The following EEPD1 variants were observed in gnomAD, a reference collection of about 807,000 sequenced individuals.
The protein encoded by EEPD1 is endonuclease/exonuclease/phosphatase family domain containing 1, also known as endonuclease/exonuclease/phosphatase family domain-containing protein 1.
EEPD1 carries 17 observed loss-of-function variants against 46.3 expected under a neutral mutation model. The observed-to-expected ratio is 0.37, with a 90% CI of 0.25 to 0.55. EEPD1 has a LOEUF of 0.55. EEPD1 is among the 20% of genes least tolerant of loss of function. The probability of loss-of-function intolerance (pLI) is 0.83; values close to 1 mark genes in which losing one functional copy is unlikely to be tolerated. For missense variants in EEPD1, 673 were observed against 745.6 expected (o/e 0.90, Z 1.13); for synonymous variants, 313 against 315.6 (o/e 0.99, Z 0.09).
intron 3 of EEPD1, among the ~76,000 whole-genome samples, chr7:36,272,344 A>G (rs1387451992): frequency 6.6e-6 from 1 of 152,148 alleles, no homozygotes; most frequent in East Asian, 1.9e-4. Flanking sequence ...CGCTGATGAC[A>G]ATGGCCACAG....
At chr7:36,207,716 A>G (rs1562686917) in intron 2 of EEPD1, among the ~76,000 whole-genome samples, 1 of 152,112 alleles carries the variant, frequency 6.6e-6, no homozygotes, top group African/African-American at 2.4e-5. Context: ...AATATTTTGA[A>G]TACAATTCTG....
chr7:36,201,172 AAG>A (rs1204273217), intron 2 of EEPD1, among the ~76,000 whole-genome samples: 1 of 152,190 alleles, frequency 6.6e-6, no homozygotes, highest in East Asian at 1.9e-4. Context: ...GAAGTTATGG[AAG>A]ACAGACTGAG....
At position 36,297,368 on chromosome 7, in the gene EEPD1, G is replaced by T. The variant is rs146550435; in HGVS notation, c.1510+181G>T. Among the ~76,000 whole-genome samples the T allele has an allele frequency of 3.1e-3, 477 of 152,242 alleles. 2 individuals are homozygous for T. The highest frequency in any genetic ancestry group is 0.011 in the African/African-American group (456 of 41,542). ...GAATCCAGGCCCCTGTCAGTCCCGC[G>T]CTAAGGACCACACAGTGCTTTCCAG... On this transcript the variant is annotated intron_variant, in intron 7 of 7. Transcript: ENST00000242108.
At chr7:36,197,867 G>T (rs1398431165) in intron 2 of EEPD1, among the ~76,000 whole-genome samples, 1 of 148,888 alleles carries the variant, frequency 6.7e-6, no homozygotes, top group African/African-American at 2.5e-5. Flanking sequence ...CCCCCTCTGC[G>T]AGAAACACCC....
At chr7:36,197,641 T>G (rs1770043041) in intron 2 of EEPD1, among the ~76,000 whole-genome samples, 1 of 152,184 alleles carries the variant, frequency 6.6e-6, no homozygotes, top group Non-Finnish European at 1.5e-5. Context: ...CTGAAACATG[T>G]GCTGTGTCCA....
At chr7:36,237,110 C>T (rs118068357) in intron 2 of EEPD1, among the ~76,000 whole-genome samples, 5,203 of 152,282 alleles carry the variant, frequency 0.034, 121 homozygotes, top group Middle Eastern at 0.071. Flanking sequence ...CCACACGCGC[C>T]GCCTTTATGA....
intron 2 of EEPD1, among the ~76,000 whole-genome samples, chr7:36,195,687 C>A (rs1785568785): frequency 6.6e-6 from 1 of 152,058 alleles, no homozygotes; most frequent in South Asian, 2.1e-4. Context: ...TCTTGTACTT[C>A]ATGGTGGCTG....
intron 2 of EEPD1, among the ~76,000 whole-genome samples, chr7:36,197,435 G>A (rs1785624597): frequency 2.0e-5 from 3 of 152,234 alleles, no homozygotes; most frequent in Admixed American, 6.5e-5. Flanking sequence ...CATTGAGAAC[G>A]GGCCATGATG....
chr7:36,251,017 A>G (rs562518394), intron 3 of EEPD1, among the ~76,000 whole-genome samples: 1 of 152,354 alleles, frequency 6.6e-6, no homozygotes, highest in East Asian at 1.9e-4. Flanking sequence ...GTTAGAGTCC[A>G]GTCAGATTTT....
At position 36,284,785 on chromosome 7, in the gene EEPD1, C is replaced by T. The variant is rs758871973; in HGVS notation, c.1141C>T (p.Leu381=). 3.2e-6 allele frequency: 5 copies of T among 1,585,750 alleles called. No homozygotes were observed. The highest frequency in any genetic ancestry group is 3.4e-6 in the Non-Finnish European group (4 of 1,165,208). The change falls in exon 5 of 8, where the codon CTG becomes TTG. Residue 381 remains leucine (L), a synonymous_variant. Transcript: ENST00000242108. ...ESSPSNGHGK[L]AGPSPYLGRF... ...CTCGCCAAGCAACGGGCACGGGAAG[C>T]TGGCGGGCCCCAGCCCATACCTCGG...
At chr7:36,261,482 C>T (rs986875) in intron 3 of EEPD1, among the ~76,000 whole-genome samples, 14,639 of 152,238 alleles carry the variant, frequency 0.096, 1,013 homozygotes, top group East Asian at 0.37. Flanking sequence ...CAAACTCTCA[C>T]AACAGCCATG....
intron 2 of EEPD1, among the ~76,000 whole-genome samples, chr7:36,164,648 C>T (rs755124992): frequency 2.0e-5 from 3 of 152,172 alleles, no homozygotes; most frequent in Non-Finnish European, 2.9e-5. Context: ...CCATTCTTTC[C>T]TCTAGGAGAT....
At chr7:36,187,636 T>C (rs1785383639) in intron 2 of EEPD1, among the ~76,000 whole-genome samples, 1 of 152,230 alleles carries the variant, frequency 6.6e-6, no homozygotes, top group Non-Finnish European at 1.5e-5. Flanking sequence ...TTTTCTTTAT[T>C]GATTAAGTGC....
chr7:36,250,095 A>G (rs1786710270), intron 3 of EEPD1, among the ~76,000 whole-genome samples: 1 of 152,062 alleles, frequency 6.6e-6, no homozygotes, highest in South Asian at 2.1e-4. Context: ...GGTAGCATAC[A>G]TTTGTAGTCC....
At chr7:36,224,356 C>T (rs1022178621) in intron 2 of EEPD1, among the ~76,000 whole-genome samples, 1 of 152,120 alleles carries the variant, frequency 6.6e-6, no homozygotes. Flanking sequence ...ATCCTTTACA[C>T]AGGTGGATAG....
chr7:36,222,781 G>A lies in EEPD1; in HGVS notation c.879-16204G>A, dbSNP rs780150394. On this transcript the variant is annotated intron_variant, in intron 2 of 7. Transcript: ENST00000242108. ...TGGAAGGAGCAAAGCAGCTCTCTTCGTGCCTCTTTTATAAAGTCACTAAAC... is the reference window on the plus strand; with the variant it reads ...TGGAAGGAGCAAAGCAGCTCTCTTCATGCCTCTTTTATAAAGTCACTAAAC... Among the ~76,000 whole-genome samples the A allele has an allele frequency of 1.3e-3, 203 of 152,170 alleles. 1 individual carries two copies. The highest frequency in any genetic ancestry group is 2.5e-3 in the Non-Finnish European group (171 of 68,002).
chr7:36,289,235 G>A (rs781474305), intron 6 of EEPD1, among the ~76,000 whole-genome samples: 14 of 152,144 alleles, frequency 9.2e-5, no homozygotes, highest in Non-Finnish European at 1.6e-4. Context: ...TGCTACTAAT[G>A]TATTGACATT....
At chr7:36,159,518 T>C (rs2700909) in intron 2 of EEPD1, among the ~76,000 whole-genome samples, 48,500 of 152,178 alleles carry the variant, frequency 0.32, 8,503 homozygotes, top group Middle Eastern at 0.43. Flanking sequence ...TTCAGAAATG[T>C]AGATATTGGA....
rs1787602491 is a variant in EEPD1 at position 36,300,415 on chromosome 7, C to T, written c.*1209C>T. 1 of 152,256 alleles carries T rather than the reference C, an allele frequency of 6.6e-6. No homozygotes were observed. Among genetic ancestry groups the T allele is most frequent in the Non-Finnish European group, 1.5e-5 (1 of 68,064 alleles). The allele number at this position is 152,256 out of a possible 1,614,324, so 9.4% of individuals were successfully genotyped here. A position where few individuals can be genotyped will look rare whatever the true frequency, so the allele number is the denominator to read the frequency against. On this transcript the variant is annotated 3_prime_UTR_variant, in exon 8 of 8. Coordinates refer to ENST00000242108, the MANE Select transcript of EEPD1 (RefSeq NM_030636.3). Reference sequence around the variant, plus strand: ...TTAGAGAGCTCGACCTCCTCAAGGTCACACCACTGGGTAAATAGAGGGATG... The same window carrying T: ...TTAGAGAGCTCGACCTCCTCAAGGTTACACCACTGGGTAAATAGAGGGATG...
Sources: allele counts gnomAD v4.1 joint callset (sites outside exome capture counted in the v4.1 genomes callset), GRCh38; gene constraint gnomAD v4.1.1; transcripts MANE v1.5; gene names NCBI Gene and HGNC (gene_info 2026-07-23, HGNC 2026-07-21).